Variants in CTNNA2 observed in about 807,000 individuals in gnomAD.
CTNNA2 encodes catenin alpha-2.
In CTNNA2, 42 loss-of-function variants were observed where a neutral mutation model predicts 101.0. That is an observed-to-expected ratio of 0.42 (90% CI 0.32 to 0.54). CTNNA2 has a LOEUF of 0.54. Among genes scored for constraint, CTNNA2 ranks in the 20% least tolerant of loss-of-function variants. The pLI is 0.14. For synonymous variants in CTNNA2, 450 were observed against 456.4 expected (o/e 0.99, Z 0.18); for missense variants, 871 against 1,223.1 (o/e 0.71, Z 4.29).
chr2:80,395,686 C>T (rs1488871771), intron 8 of CTNNA2, among the ~76,000 whole-genome samples: 1 of 152,158 alleles, frequency 6.6e-6, no homozygotes, highest in Non-Finnish European at 1.5e-5. Flanking sequence ...AATAGTGGCT[C>T]AGAGAACGCT....
intron 3 of CTNNA2, among the ~76,000 whole-genome samples, chr2:79,843,716 C>T (rs1364983914): frequency 6.6e-6 from 1 of 152,164 alleles, no homozygotes; most frequent in Non-Finnish European, 1.5e-5. Context: ...ACTTGCTGTT[C>T]AGAGTAGGAG....
Position 80,033,389 on chromosome 2 carries a change from A to G in CTNNA2, c.1056+123592A>G, listed in dbSNP as rs79647252. Among the ~76,000 whole-genome samples the G allele has an allele frequency of 2.7e-4, 41 of 152,060 alleles. No homozygotes were observed. The East Asian group carries it at 7.8e-3, about 29-fold the overall frequency. On this transcript the variant is annotated intron_variant, in intron 7 of 18. Transcript: ENST00000402739. ...GGAATTCAAGACCAGCTTGGGCAAC[A>G]TGGTGGACTCTGTCTCCACAAAAAA...
In CTNNA2 at chr2:80,648,134, C is replaced by G. The variant is rs370523708; in HGVS notation, c.*262C>G. 3.6e-6 allele frequency: 1 copy of G among 278,658 alleles called. No homozygotes were observed. Among genetic ancestry groups the G allele is most frequent in the African/African-American group, 2.2e-5 (1 of 46,134 alleles). The allele number at this position is 278,658 out of a possible 1,614,324, so 17.3% of individuals were successfully genotyped here. Reference sequence around the variant, plus strand: ...TTCTCATAAAATTGGGCACAGAGTTCGCATTGGCGCAATATTTATGGGAGT... The same window carrying G: ...TTCTCATAAAATTGGGCACAGAGTTGGCATTGGCGCAATATTTATGGGAGT... On this transcript the variant is annotated 3_prime_UTR_variant, in exon 19 of 19. Coordinates refer to ENST00000402739, the MANE Select transcript of CTNNA2 (RefSeq NM_001282597.3).
chr2:80,544,390 C>T lies in CTNNA2; in HGVS notation c.1291-592C>T, dbSNP rs1324003958. Among the ~76,000 whole-genome samples, 3 of 152,178 alleles carry T rather than the reference C, an allele frequency of 2.0e-5. No homozygotes were observed. In the South Asian group the frequency reaches 6.2e-4, roughly 32 times the overall value. ...TGAATGTCTTTATACTAGATCTGCA[C>T]ATTGTAATTTACTATATATTCCGCC... is the stretch of plus-strand genomic sequence containing the variant. On this transcript the variant is annotated intron_variant, in intron 9 of 18. Transcript: ENST00000402739.
chr2:79,785,630 G>A lies in CTNNA2; in HGVS notation c.298+41048G>A, dbSNP rs753455786. ...ATCTGTTATTTTTCTATATTTTCCA[G>A]AATATTTAATCCATGGGGGCAGGGA... On this transcript the variant is annotated intron_variant, in intron 3 of 18. Transcript: ENST00000402739. Among the ~76,000 whole-genome samples, 20 of 152,128 alleles carry A rather than the reference G, an allele frequency of 1.3e-4. 1 individual carries two copies. The highest frequency in any genetic ancestry group is 4.8e-4 in the African/African-American group (20 of 41,494).
chr2:79,415,987 G>T (rs1198802799), intron 4 of CTNNA2, among the ~76,000 whole-genome samples: 2 of 136,594 alleles, frequency 1.5e-5, no homozygotes. Flanking sequence ...TTATCAGCAA[G>T]AATTATAATA....
chr2:79,818,821 T>TTATATATATATATATATATATA (rs372924495), intron 3 of CTNNA2, among the ~76,000 whole-genome samples: 14 of 74,246 alleles, frequency 1.9e-4, no homozygotes, highest in African/African-American at 1.0e-3. Context: ...CAAAATGCAA[T>TTATATATATATATATATATATA]TATATATATA....
At chr2:80,250,171 C>T (rs186555006) in intron 7 of CTNNA2, among the ~76,000 whole-genome samples, 1 of 146,652 alleles carries the variant, frequency 6.8e-6, no homozygotes, top group Admixed American at 6.9e-5. Context: ...TAGATAGATA[C>T]ATGGATGGGG....
At chr2:79,440,734 C>T (rs1678768896) in intron 4 of CTNNA2, among the ~76,000 whole-genome samples, 1 of 152,036 alleles carries the variant, frequency 6.6e-6, no homozygotes, top group Admixed American at 6.6e-5. Context: ...AATGTGCTCC[C>T]CTGAATCTCT....
At chr2:80,128,668 A>G (rs1405288206) in intron 7 of CTNNA2, among the ~76,000 whole-genome samples, 1 of 152,166 alleles carries the variant, frequency 6.6e-6, no homozygotes, top group Admixed American at 6.6e-5. Flanking sequence ...TGTGCCAAGT[A>G]CAAATGGTTT....
intron 7 of CTNNA2, among the ~76,000 whole-genome samples, chr2:80,222,339 C>CACTT (rs1708619583): frequency 6.6e-6 from 1 of 151,738 alleles, no homozygotes; most frequent in Non-Finnish European, 1.5e-5. Flanking sequence ...TTTATCTTAT[C>CACTT]ACTTATATTT....
intron 7 of CTNNA2, among the ~76,000 whole-genome samples, chr2:79,994,081 G>GT (rs1371469348): frequency 1.3e-5 from 2 of 151,822 alleles, no homozygotes; most frequent in East Asian, 3.9e-4. Context: ...CTATTTTGGG[G>GT]TTTTTTTACT....
intron 1 of CTNNA2, among the ~76,000 whole-genome samples, chr2:79,552,904 A>T (rs142034484): frequency 2.0e-5 from 3 of 152,210 alleles, no homozygotes; most frequent in Non-Finnish European, 4.4e-5. Flanking sequence ...GGCTGCCACA[A>T]AAGTCTTTGA....
At chr2:79,574,109 G>C (rs1052643050) in intron 1 of CTNNA2, 1 of 152,684 alleles carries the variant, frequency 6.5e-6, no homozygotes, top group Non-Finnish European at 1.5e-5. Flanking sequence ...ACAAGGAAAA[G>C]TATTGATGTC....
intron 7 of CTNNA2, chr2:80,162,575 A>G (rs767632930): frequency 6.8e-6 from 11 of 1,610,262 alleles, no homozygotes; most frequent in Non-Finnish European, 7.6e-6. Context: ...AATGATGGTC[A>G]GACCCATGAT....
At chr2:80,032,063 G>A (rs904634724) in intron 7 of CTNNA2, among the ~76,000 whole-genome samples, 1 of 152,192 alleles carries the variant, frequency 6.6e-6, no homozygotes, top group African/African-American at 2.4e-5. Flanking sequence ...AGAAATTAAT[G>A]TTAAACCCTT....
At chr2:79,468,348 A>T (rs1002144341) in intron 4 of CTNNA2, among the ~76,000 whole-genome samples, 3 of 152,226 alleles carry the variant, frequency 2.0e-5, no homozygotes, top group African/African-American at 7.2e-5. Context: ...ATATATATGC[A>T]CCCAATACAG....
chr2:79,593,410 A>C (rs563346243), intron 1 of CTNNA2, among the ~76,000 whole-genome samples: 1 of 152,236 alleles, frequency 6.6e-6, no homozygotes, highest in African/African-American at 2.4e-5. Context: ...TTAATATGTA[A>C]CTCTTAACAC....
chr2:79,907,876 C>T (rs1003117080), intron 6 of CTNNA2, among the ~76,000 whole-genome samples: 4 of 152,160 alleles, frequency 2.6e-5, no homozygotes, highest in African/African-American at 9.7e-5. Context: ...TGGTGTATAC[C>T]TGTTCCTTTC....
Sources: allele counts gnomAD v4.1 joint callset (sites outside exome capture counted in the v4.1 genomes callset), GRCh38; gene constraint gnomAD v4.1.1; transcripts MANE v1.5; gene names NCBI Gene and HGNC (gene_info 2026-07-23, HGNC 2026-07-21).